Variants in GPR39 observed in about 807,000 individuals in gnomAD.
GPR39 encodes G protein-coupled receptor 39.
Under a neutral mutation model 18.4 loss-of-function variants are expected in GPR39, and 23 were observed. The ratio of observed to expected loss-of-function variants is 1.25; its 90% CI spans 0.90 to 1.77. The LOEUF (loss-of-function observed/expected upper bound fraction) is 1.77. Ranked by LOEUF, GPR39 falls within the 40% of genes most tolerant of loss-of-function variation. GPR39 has a pLI of 0.00. For missense variants in GPR39, 647 were observed against 602.4 expected (o/e 1.07, Z -0.78); for synonymous variants, 280 against 257.9 (o/e 1.09, Z -0.82).
chr2:132,549,531 G>A (rs1262197128), intron 1 of GPR39, among the ~76,000 whole-genome samples: 1 of 152,214 alleles, frequency 6.6e-6, no homozygotes, highest in East Asian at 1.9e-4. Context: ...GCTCACGCCT[G>A]TAATCCCAGC....
intron 1 of GPR39, among the ~76,000 whole-genome samples, chr2:132,561,910 G>A (rs951785017): frequency 1.3e-5 from 2 of 152,128 alleles, no homozygotes; most frequent in African/African-American, 2.4e-5. Flanking sequence ...TCAGCTGATT[G>A]GACCAGGCCC....
chr2:132,535,272 G>T (rs977802482), intron 1 of GPR39, among the ~76,000 whole-genome samples: 1 of 152,196 alleles, frequency 6.6e-6, no homozygotes, highest in African/African-American at 2.4e-5. Flanking sequence ...TTTTTAACGT[G>T]AAGAGATGTT....
At position 132,578,929 on chromosome 2, in the gene GPR39, G is replaced by A. The variant is rs551427151; in HGVS notation, c.857-66172G>A. Among the ~76,000 whole-genome samples the A allele has an allele frequency of 3.9e-5, 6 of 152,002 alleles. No individual in the cohort carries two copies. The South Asian group carries it at 1.2e-3, about 32-fold the overall frequency. On this transcript the variant is annotated intron_variant, in intron 1 of 1. Coordinates refer to ENST00000329321, the MANE Select transcript of GPR39 (RefSeq NM_001508.3). ...GTTCATCAATCTTTTCAAAGAAACA[G>A]CTATTTTTAAAATTTCAATTTCATT...
chr2:132,558,551 TG>T (rs1680194352), intron 1 of GPR39, among the ~76,000 whole-genome samples: 1 of 152,172 alleles, frequency 6.6e-6, no homozygotes, highest in Admixed American at 6.5e-5. Context: ...CCTAATGAGC[TG>T]GGGGCACCGG....
At chr2:132,554,333 G>A (rs1235974194) in intron 1 of GPR39, among the ~76,000 whole-genome samples, 10 of 152,192 alleles carry the variant, frequency 6.6e-5, no homozygotes, top group Admixed American at 6.5e-4. Flanking sequence ...GTCCCTGAAG[G>A]CCATGTGCTA....
intron 1 of GPR39, among the ~76,000 whole-genome samples, chr2:132,498,528 T>C (rs1681692230): frequency 6.6e-6 from 1 of 152,246 alleles, no homozygotes; most frequent in Non-Finnish European, 1.5e-5. Flanking sequence ...TGTGCTGCTA[T>C]AAACATGCGT....
intron 1 of GPR39, among the ~76,000 whole-genome samples, chr2:132,625,040 G>A (rs1267474761): frequency 1.3e-5 from 2 of 151,236 alleles, no homozygotes; most frequent in Admixed American, 6.6e-5. Context: ...TACAACCCAC[G>A]CTGGCAGTGT....
intron 1 of GPR39, among the ~76,000 whole-genome samples, chr2:132,617,118 G>A (rs1190856798): frequency 6.6e-6 from 1 of 152,182 alleles, no homozygotes; most frequent in Non-Finnish European, 1.5e-5. Context: ...CATTTGTTTA[G>A]CAGCTATGTG....
At chr2:132,510,874 C>T (rs1315075010) in intron 1 of GPR39, among the ~76,000 whole-genome samples, 2 of 152,074 alleles carry the variant, frequency 1.3e-5, no homozygotes, top group African/African-American at 2.4e-5. Context: ...ACTATCTGTA[C>T]GTAGTATATA....
At chr2:132,573,152 G>A (rs1680471709) in intron 1 of GPR39, among the ~76,000 whole-genome samples, 3 of 152,146 alleles carry the variant, frequency 2.0e-5, no homozygotes, top group Admixed American at 2.0e-4. Flanking sequence ...GATGCTCAGA[G>A]GCAGGTCTGA....
intron 1 of GPR39, among the ~76,000 whole-genome samples, chr2:132,486,090 G>A (rs1457329150): frequency 3.3e-5 from 5 of 152,188 alleles, no homozygotes; most frequent in Non-Finnish European, 2.9e-5. Context: ...CTCCATCGGA[G>A]CTTTCAGGTG....
chr2:132,488,031 A>C (rs1681376457), intron 1 of GPR39, among the ~76,000 whole-genome samples: 1 of 152,224 alleles, frequency 6.6e-6, no homozygotes, highest in Non-Finnish European at 1.5e-5. Flanking sequence ...CAGTGTATAT[A>C]GCTTTCAAAG....
At chr2:132,427,141 T>TA (rs1367748284) in intron 1 of GPR39, among the ~76,000 whole-genome samples, 2 of 79,344 alleles carry the variant, frequency 2.5e-5, no homozygotes, top group African/African-American at 7.0e-5. Flanking sequence ...CATATATATA[T>TA]ATATATATAT....
chr2:132,444,773 A>G (rs1358675556), intron 1 of GPR39, among the ~76,000 whole-genome samples: 2 of 152,246 alleles, frequency 1.3e-5, no homozygotes, highest in South Asian at 2.1e-4. Context: ...GAGAATGGCT[A>G]TCTTCCATTT....
intron 1 of GPR39, among the ~76,000 whole-genome samples, chr2:132,481,768 C>A (rs1358699203): frequency 6.6e-6 from 1 of 152,130 alleles, no homozygotes; most frequent in South Asian, 2.1e-4. Context: ...TTCTGAAAAT[C>A]AGATGATCTT....
intron 1 of GPR39, among the ~76,000 whole-genome samples, chr2:132,455,673 A>G (rs1455793245): frequency 6.6e-6 from 1 of 152,114 alleles, no homozygotes; most frequent in Non-Finnish European, 1.5e-5. Context: ...AGATTCTGGT[A>G]TGTTGTGTCT....
At chr2:132,476,789 T>C (rs1304613558) in intron 1 of GPR39, among the ~76,000 whole-genome samples, 1 of 151,378 alleles carries the variant, frequency 6.6e-6, no homozygotes, top group Non-Finnish European at 1.5e-5. Context: ...CAAAGACAAA[T>C]GTAAAGGAGT....
At chr2:132,577,325 C>A (rs932209636) in intron 1 of GPR39, among the ~76,000 whole-genome samples, 1 of 150,822 alleles carries the variant, frequency 6.6e-6, no homozygotes, top group South Asian at 2.1e-4. Context: ...CCATTGCACT[C>A]CAGCCTGGGC....
intron 1 of GPR39, among the ~76,000 whole-genome samples, chr2:132,583,369 T>C (rs1680662237): frequency 7.1e-6 from 1 of 140,560 alleles, no homozygotes; most frequent in Non-Finnish European, 1.5e-5. Context: ...CCCCAACAAA[T>C]ACACATATCC....
Sources: gnomAD v4.1 joint callset for allele counts (sites outside exome capture counted in the v4.1 genomes callset) on GRCh38, gnomAD v4.1.1 for gene constraint, MANE v1.5 for transcripts, NCBI Gene and HGNC (gene_info 2026-07-23, HGNC 2026-07-21) for gene names.